The following NRG1 variants were observed in gnomAD, a reference collection of about 807,000 sequenced individuals.
NRG1 encodes the protein neuregulin 1.
Under a neutral mutation model 63.8 loss-of-function variants are expected in NRG1, and 18 were observed. That is an observed-to-expected ratio of 0.28 (90% CI 0.19 to 0.42). The LOEUF is 0.42. Among genes scored for constraint, NRG1 ranks in the 10% least tolerant of loss-of-function variants. The probability of loss-of-function intolerance (pLI) is 1.00; values close to 1 mark genes in which losing one functional copy is unlikely to be tolerated. For missense variants in NRG1, 762 were observed against 814.7 expected, an observed-to-expected ratio of 0.94 and a Z score of 0.79; for synonymous variants, 302 against 301.3, an observed-to-expected ratio of 1.00 and a Z score of -0.02.
chr8:32,648,064 G>T lies in NRG1; in HGVS notation c.502+31179G>T, dbSNP rs746548876. 3 of 1,613,920 alleles carry T rather than the reference G, an allele frequency of 1.9e-6. No individual in the cohort carries two copies. The African/African-American group carries it at 4.0e-5, about 22-fold the overall frequency. On this transcript the variant is annotated intron_variant, in intron 5 of 11. Coordinates refer to ENST00000356819, the Ensembl canonical transcript of NRG1. Reference sequence around the variant, plus strand: ...TCTCCTACTCACCTTGACCCTGGGGGGTTAGGCCAGGACCCTATTATTTCT... The same window carrying T: ...TCTCCTACTCACCTTGACCCTGGGGTGTTAGGCCAGGACCCTATTATTTCT...
intron 1 of NRG1, among the ~76,000 whole-genome samples, chr8:32,111,166 G>C (rs929892151): frequency 3.3e-5 from 5 of 151,902 alleles, no homozygotes; most frequent in African/African-American, 1.2e-4. Context: ...ACCCAGGCTG[G>C]AGTGCCGCGG....
chr8:31,750,688 CA>C (rs1408868214), intron 1 of NRG1, among the ~76,000 whole-genome samples: 3 of 152,024 alleles, frequency 2.0e-5, no homozygotes, highest in African/African-American at 7.2e-5. Context: ...CAACAAGCCA[CA>C]AGTGACTATC....
At chr8:32,208,449 G>T (rs1030665482) in intron 1 of NRG1, among the ~76,000 whole-genome samples, 13 of 151,942 alleles carry the variant, frequency 8.6e-5, no homozygotes, top group African/African-American at 2.9e-4. Context: ...GTAGAGACAG[G>T]GTTTCACCAT....
At chr8:32,676,453 A>C (rs1386639866) in intron 5 of NRG1, among the ~76,000 whole-genome samples, 1 of 152,230 alleles carries the variant, frequency 6.6e-6, no homozygotes, top group Non-Finnish European at 1.5e-5. Context: ...TCAATATGAC[A>C]GAAGTTTGTT....
chr8:32,538,859 A>C (rs1340862839), intron 1 of NRG1, among the ~76,000 whole-genome samples: 1 of 152,216 alleles, frequency 6.6e-6, no homozygotes, highest in Admixed American at 6.5e-5. Flanking sequence ...GACAAACTTG[A>C]AAACAAGTAA....
At chr8:32,343,437 T>C (rs1386768445) in intron 1 of NRG1, among the ~76,000 whole-genome samples, 2 of 152,200 alleles carry the variant, frequency 1.3e-5, no homozygotes, top group African/African-American at 4.8e-5. Flanking sequence ...CTAACAAATG[T>C]TTTATAATAG....
chr8:31,703,454 C>T (rs191013748), intron 1 of NRG1, among the ~76,000 whole-genome samples: 17 of 152,182 alleles, frequency 1.1e-4, no homozygotes, highest in African/African-American at 3.6e-4. Context: ...CAAGGAAATA[C>T]ATTTGTTTTG....
intron 1 of NRG1, among the ~76,000 whole-genome samples, chr8:32,082,013 G>T (rs1000952963): frequency 1.3e-5 from 2 of 152,090 alleles, no homozygotes; most frequent in African/African-American, 2.4e-5. Flanking sequence ...ACACAGTATT[G>T]CTGGCAGAAG....
chr8:31,881,241 T>G (rs2683767), intron 1 of NRG1, among the ~76,000 whole-genome samples: 78,946 of 151,900 alleles, frequency 0.52, 21,253 homozygotes, highest in East Asian at 0.75. Flanking sequence ...TGCTCACTTT[T>G]TGTCACATTT....
At chr8:31,731,056 G>C (rs1054243552) in intron 1 of NRG1, among the ~76,000 whole-genome samples, 1 of 152,070 alleles carries the variant, frequency 6.6e-6, no homozygotes, top group African/African-American at 2.4e-5. Context: ...TCAGTGGATT[G>C]TTCTAAATAC....
chr8:32,385,802 C>T (rs938300707), intron 1 of NRG1, among the ~76,000 whole-genome samples: 2 of 152,134 alleles, frequency 1.3e-5, no homozygotes, highest in Non-Finnish European at 2.9e-5. Flanking sequence ...GCCATATCAC[C>T]TAGTAATCAT....
At chr8:31,883,305 G>A (rs1379106601) in intron 1 of NRG1, among the ~76,000 whole-genome samples, 2 of 152,052 alleles carry the variant, frequency 1.3e-5, no homozygotes, top group Non-Finnish European at 2.9e-5. Flanking sequence ...ACATTTTTCA[G>A]ATATGTTATT....
intron 1 of NRG1, among the ~76,000 whole-genome samples, chr8:32,539,167 G>C (rs1832327732): frequency 6.6e-6 from 1 of 152,218 alleles, no homozygotes; most frequent in Non-Finnish European, 1.5e-5. Flanking sequence ...GCAGCAATGA[G>C]ATTGGAAAGG....
At chr8:32,401,000 A>G (rs1395655562) in intron 1 of NRG1, among the ~76,000 whole-genome samples, 1 of 152,224 alleles carries the variant, frequency 6.6e-6, no homozygotes. Flanking sequence ...AGGAACATGG[A>G]TGGAGCTGGA....
At chr8:31,642,980 G>A (rs1402919422) in intron 1 of NRG1, among the ~76,000 whole-genome samples, 1 of 53,558 alleles carries the variant, frequency 1.9e-5, no homozygotes, top group Non-Finnish European at 3.6e-5. Flanking sequence ...GAGTGTAAAA[G>A]TGTGTGTGTG....
At chr8:32,733,511 G>A (rs912972107) in intron 6 of NRG1, among the ~76,000 whole-genome samples, 17 of 151,996 alleles carry the variant, frequency 1.1e-4, no homozygotes, top group East Asian at 3.9e-4. Flanking sequence ...GCCTGAGGTC[G>A]CAATTTTTTT....
intron 1 of NRG1, among the ~76,000 whole-genome samples, chr8:32,387,406 A>G (rs1811155798): frequency 6.6e-6 from 1 of 152,200 alleles, no homozygotes; most frequent in Non-Finnish European, 1.5e-5. Flanking sequence ...TGTCCAGCCC[A>G]CAAAAAAGAT....
chr8:32,165,061 T>G (rs767199562), intron 1 of NRG1, among the ~76,000 whole-genome samples: 1 of 151,966 alleles, frequency 6.6e-6, no homozygotes, highest in Non-Finnish European at 1.5e-5. Flanking sequence ...GGGTTAGCTT[T>G]TATTTCTACA....
intron 1 of NRG1, among the ~76,000 whole-genome samples, chr8:31,759,037 G>A (rs978285185): frequency 2.6e-5 from 4 of 152,032 alleles, no homozygotes; most frequent in Admixed American, 6.6e-5. Context: ...CTGCTTATTG[G>A]CTACTTACAC....
Sources: allele counts gnomAD v4.1 joint callset (sites outside exome capture counted in the v4.1 genomes callset), GRCh38; gene constraint gnomAD v4.1.1; transcripts MANE v1.5; gene names NCBI Gene and HGNC (gene_info 2026-07-23, HGNC 2026-07-21).